Variants in TFDP2 observed in about 807,000 individuals in gnomAD.
TFDP2 encodes the protein transcription factor Dp-2 (E2F dimerization partner 2).
A neutral mutation model predicts 59.3 loss-of-function variants in TFDP2; 17 were observed. The ratio of observed to expected loss-of-function variants is 0.29; its 90% CI spans 0.20 to 0.43. The LOEUF (loss-of-function observed/expected upper bound fraction) is 0.43. Among genes scored for constraint, TFDP2 ranks in the 20% least tolerant of loss-of-function variants. TFDP2 has a pLI of 1.00. For synonymous variants in TFDP2, 180 were observed against 194.7 expected, an observed-to-expected ratio of 0.92 and a Z score of 0.63; for missense variants, 391 against 528.8, an observed-to-expected ratio of 0.74 and a Z score of 2.56.
chr3:142,118,160 T>C (rs55666937), intron 1 of TFDP2, among the ~76,000 whole-genome samples: 8,138 of 152,012 alleles, frequency 0.054, 276 homozygotes, highest in Middle Eastern at 0.11. Context: ...AAAATATTAA[T>C]AGAATCAAGG....
At chr3:142,074,760 G>A (rs1348460857) in intron 3 of TFDP2, among the ~76,000 whole-genome samples, 3 of 152,190 alleles carry the variant, frequency 2.0e-5, no homozygotes, top group Non-Finnish European at 4.4e-5. Flanking sequence ...GCTGAGGCAT[G>A]AGAATCACTT....
At chr3:142,075,648 T>A (rs181220745) in intron 3 of TFDP2, among the ~76,000 whole-genome samples, 331 of 144,228 alleles carry the variant, frequency 2.3e-3, no homozygotes, top group African/African-American at 8.2e-3. Context: ...GTAATCCCAA[T>A]ACTTTGGGAG....
chr3:142,094,697 A>T (rs1346680253), intron 2 of TFDP2, among the ~76,000 whole-genome samples: 1 of 152,226 alleles, frequency 6.6e-6, no homozygotes, highest in Non-Finnish European at 1.5e-5. Context: ...GCATACACTT[A>T]AGGTGTACAT....
chr3:142,119,146 G>A (rs2061949432), intron 1 of TFDP2, among the ~76,000 whole-genome samples: 1 of 151,902 alleles, frequency 6.6e-6, no homozygotes, highest in Non-Finnish European at 1.5e-5. Context: ...GGGTGAAAGA[G>A]CAAGACACTG....
At chr3:142,097,946 C>T (rs900684067) in intron 2 of TFDP2, among the ~76,000 whole-genome samples, 3 of 152,056 alleles carry the variant, frequency 2.0e-5, no homozygotes, top group Non-Finnish European at 4.4e-5. Context: ...CACACTGCCA[C>T]CACACCCAGC....
At chr3:142,139,309 C>CCATCAG (rs2062850685) in intron 1 of TFDP2, among the ~76,000 whole-genome samples, 1 of 152,122 alleles carries the variant, frequency 6.6e-6, no homozygotes, top group Non-Finnish European at 1.5e-5. Flanking sequence ...TGGGTCTTGA[C>CCATCAG]TCTTTATCCA....
intron 4 of TFDP2, among the ~76,000 whole-genome samples, chr3:142,003,484 C>T (rs1231900198): frequency 6.6e-6 from 1 of 152,204 alleles, no homozygotes; most frequent in Non-Finnish European, 1.5e-5. Context: ...GCCCTCATAG[C>T]TTAATCACTT....
At chr3:142,100,131 G>C (rs1336875524) in intron 2 of TFDP2, among the ~76,000 whole-genome samples, 1 of 152,182 alleles carries the variant, frequency 6.6e-6, no homozygotes, top group South Asian at 2.1e-4. Flanking sequence ...GTTTGTTAAC[G>C]CTATTGTTCG....
intron 3 of TFDP2, among the ~76,000 whole-genome samples, chr3:142,092,807 G>T (rs1396726170): frequency 6.6e-6 from 1 of 152,132 alleles, no homozygotes; most frequent in East Asian, 1.9e-4. Context: ...AAAGTGGTCT[G>T]AACAGTTTCA....
chr3:142,045,570 A>C (rs1008080326), intron 3 of TFDP2, among the ~76,000 whole-genome samples: 2 of 151,112 alleles, frequency 1.3e-5, no homozygotes, highest in African/African-American at 4.9e-5. Context: ...AAAAAAGTTA[A>C]GTAAATTCTA....
chr3:142,095,866 T>C (rs1324883098), intron 2 of TFDP2, among the ~76,000 whole-genome samples: 1 of 152,174 alleles, frequency 6.6e-6, no homozygotes, highest in Non-Finnish European at 1.5e-5. Flanking sequence ...TTTAATAAAT[T>C]CCATGCTTGA....
intron 3 of TFDP2, among the ~76,000 whole-genome samples, chr3:142,017,312 C>A (rs1945202795): frequency 6.6e-6 from 1 of 152,130 alleles, no homozygotes; most frequent in Non-Finnish European, 1.5e-5. Context: ...GTCTCCAACA[C>A]TAGCATACAG....
chr3:142,044,010 C>T (rs1947180660), intron 3 of TFDP2: 2 of 699,724 alleles, frequency 2.9e-6, no homozygotes, highest in South Asian at 1.5e-5. Flanking sequence ...CTTTTTCCGG[C>T]ATCAAGCCCA....
At chr3:142,031,156 C>T (rs1259071505) in intron 3 of TFDP2, among the ~76,000 whole-genome samples, 4 of 152,164 alleles carry the variant, frequency 2.6e-5, no homozygotes, top group Non-Finnish European at 5.9e-5. Flanking sequence ...AACAATAAAC[C>T]TAACAGCAAC....
intron 3 of TFDP2, among the ~76,000 whole-genome samples, chr3:142,077,773 C>A (rs1162828049): frequency 1.3e-5 from 2 of 152,148 alleles, no homozygotes; most frequent in Non-Finnish European, 2.9e-5. Flanking sequence ...ATATGAGAAA[C>A]TCCTTCTGTT....
intron 6 of TFDP2, among the ~76,000 whole-genome samples, chr3:141,986,663 A>G (rs985732499): frequency 2.6e-5 from 4 of 152,198 alleles, no homozygotes; most frequent in African/African-American, 2.4e-5. Context: ...TGTTGAGCAT[A>G]CACAAGGAAC....
intron 1 of TFDP2, among the ~76,000 whole-genome samples, chr3:142,133,672 T>C (rs951385881): frequency 2.0e-5 from 3 of 151,948 alleles, no homozygotes; most frequent in Admixed American, 2.0e-4. Flanking sequence ...AATCTGCTTG[T>C]ATTTTCAGTA....
chr3:142,114,685 C>T (rs1417628201), intron 1 of TFDP2, among the ~76,000 whole-genome samples: 1 of 151,236 alleles, frequency 6.6e-6, no homozygotes, highest in African/African-American at 2.4e-5. Flanking sequence ...CTTAAAAACA[C>T]CTTTGGAAAG....
At chr3:142,019,603 A>C (rs1576732714) in intron 3 of TFDP2, among the ~76,000 whole-genome samples, 1 of 152,144 alleles carries the variant, frequency 6.6e-6, no homozygotes, top group East Asian at 1.9e-4. Context: ...GTTCTTATAA[A>C]TTAATTATCA....
Sources: allele counts gnomAD v4.1 joint callset (sites outside exome capture counted in the v4.1 genomes callset), GRCh38; gene constraint gnomAD v4.1.1; transcripts MANE v1.5; gene names NCBI Gene and HGNC (gene_info 2026-07-23, HGNC 2026-07-21).